Variants in LINGO2 observed in about 807,000 individuals in gnomAD.
The protein encoded by LINGO2 is leucine rich repeat and Ig domain containing 2.
In LINGO2, 14 loss-of-function variants were observed where a neutral mutation model predicts 30.6. The ratio of observed to expected loss-of-function variants is 0.46; its 90% CI spans 0.30 to 0.72. LINGO2 has a LOEUF of 0.72. Ranked by LOEUF, LINGO2 falls within the 30% of genes least tolerant of loss-of-function variation. LINGO2 has a pLI of 0.07. For missense variants in LINGO2, 729 were observed against 751.7 expected, an observed-to-expected ratio of 0.97 and a Z score of 0.35; for synonymous variants, 317 against 288.5, an observed-to-expected ratio of 1.10 and a Z score of -1.00.
At chr9:28,892,036 G>A in the LINGO2 span, among the ~76,000 whole-genome samples, 1 of 151,758 alleles carries the variant, frequency 6.6e-6, no homozygotes, top group Non-Finnish European at 1.5e-5. Context: ...TAAACTGTTG[G>A]AAATAACAAA....
chr9:28,773,269 G>T, the LINGO2 span, among the ~76,000 whole-genome samples: 1 of 151,508 alleles, frequency 6.6e-6, no homozygotes, highest in East Asian at 2.0e-4. Context: ...GGAGGCTGAG[G>T]CAGGAGAATG....
At chr9:28,135,391 T>G (rs900025422) in intron 4 of LINGO2, among the ~76,000 whole-genome samples, 1 of 151,666 alleles carries the variant, frequency 6.6e-6, no homozygotes, top group African/African-American at 2.4e-5. Flanking sequence ...AAAGGAATAC[T>G]TGGGAGAACA....
intron 4 of LINGO2, among the ~76,000 whole-genome samples, chr9:28,126,184 C>T (rs1334435895): frequency 6.6e-6 from 1 of 152,150 alleles, no homozygotes; most frequent in African/African-American, 2.4e-5. Context: ...GCTGTATTTT[C>T]ATGACGTGGC....
At chr9:28,548,605 G>T (rs1383240215) in intron 1 of LINGO2, among the ~76,000 whole-genome samples, 1 of 149,552 alleles carries the variant, frequency 6.7e-6, no homozygotes, top group Non-Finnish European at 1.5e-5. Flanking sequence ...TCGGGAGGCT[G>T]AGGCAGGAAA....
At chr9:28,386,104 C>T (rs1214016306) in intron 2 of LINGO2, among the ~76,000 whole-genome samples, 2 of 152,154 alleles carry the variant, frequency 1.3e-5, no homozygotes, top group African/African-American at 2.4e-5. Flanking sequence ...ACTTATATCC[C>T]TCTGCCTGCC....
chr9:28,240,108 A>G (rs958349845), intron 4 of LINGO2, among the ~76,000 whole-genome samples: 2 of 152,190 alleles, frequency 1.3e-5, no homozygotes, highest in Non-Finnish European at 2.9e-5. Context: ...ACTATAAAAC[A>G]TTGATGAAAG....
the LINGO2 span, among the ~76,000 whole-genome samples, chr9:28,943,023 A>T: frequency 6.6e-6 from 1 of 152,212 alleles, no homozygotes; most frequent in Non-Finnish European, 1.5e-5. Context: ...AGACAGAATG[A>T]TAAAATATGG....
intron 5 of LINGO2, among the ~76,000 whole-genome samples, chr9:27,978,526 T>C (rs2891309): frequency 0.35 from 52,489 of 151,858 alleles, 9,215 homozygotes; most frequent in South Asian, 0.37. Flanking sequence ...CTTTCCACCA[T>C]GTGAGGACAC....
At chr9:28,032,737 G>C (rs1823744068) in intron 4 of LINGO2, among the ~76,000 whole-genome samples, 1 of 152,184 alleles carries the variant, frequency 6.6e-6, no homozygotes, top group Admixed American at 6.5e-5. Context: ...CAGTGACATA[G>C]ATCCTGCCAG....
intron 4 of LINGO2, among the ~76,000 whole-genome samples, chr9:28,187,124 C>G (rs1018158616): frequency 2.0e-5 from 3 of 151,998 alleles, no homozygotes; most frequent in African/African-American, 7.3e-5. Flanking sequence ...AATAGACATA[C>G]TAAAGGAAGT....
intron 4 of LINGO2, among the ~76,000 whole-genome samples, chr9:28,198,046 T>C (rs1820076839): frequency 1.3e-5 from 2 of 151,706 alleles, no homozygotes; most frequent in Admixed American, 6.6e-5. Context: ...ACTCTATTGG[T>C]GGCAATTGAG....
intron 4 of LINGO2, among the ~76,000 whole-genome samples, chr9:28,264,649 G>A (rs528006230): frequency 3.9e-4 from 59 of 151,918 alleles, no homozygotes; most frequent in African/African-American, 1.2e-3. Context: ...TTTGGGAATG[G>A]GACACACTGG....
At chr9:28,079,482 T>A (rs879358084) in intron 4 of LINGO2, among the ~76,000 whole-genome samples, 2 of 152,214 alleles carry the variant, frequency 1.3e-5, no homozygotes, top group Non-Finnish European at 2.9e-5. Flanking sequence ...TTTATAAAAC[T>A]ACTTTATCGT....
At chr9:28,807,709 A>T in the LINGO2 span, among the ~76,000 whole-genome samples, 1 of 152,246 alleles carries the variant, frequency 6.6e-6, no homozygotes, top group Non-Finnish European at 1.5e-5. Flanking sequence ...CAGTTTAGAA[A>T]TAGTAAGAGA....
intron 1 of LINGO2, among the ~76,000 whole-genome samples, chr9:28,635,866 C>A (rs890913943): frequency 2.0e-4 from 31 of 152,014 alleles, no homozygotes; most frequent in Non-Finnish European, 7.4e-5. Context: ...GGTACATGTG[C>A]ACAACGTACA....
At chr9:27,958,848 G>T (rs1275736353) in intron 5 of LINGO2, among the ~76,000 whole-genome samples, 1 of 152,038 alleles carries the variant, frequency 6.6e-6, no homozygotes, top group African/African-American at 2.4e-5. Flanking sequence ...TTCCTAAGAA[G>T]TTTGTATAGA....
the LINGO2 span, among the ~76,000 whole-genome samples, chr9:28,685,595 T>C: frequency 6.6e-6 from 1 of 152,192 alleles, no homozygotes; most frequent in Admixed American, 6.5e-5. Flanking sequence ...TCTCTCATAA[T>C]TGATCTTCAC....
At chr9:27,947,513 AT>A (rs1294831253), downstream of LINGO2, among the ~76,000 whole-genome samples, 1 of 152,226 alleles carries the variant, frequency 6.6e-6, no homozygotes, top group Non-Finnish European at 1.5e-5. Context: ...AACAAGACAA[AT>A]TCCTCTTTAT....
At chr9:28,837,682 T>TATATATATATATA in the LINGO2 span, among the ~76,000 whole-genome samples, 6 of 46,778 alleles carry the variant, frequency 1.3e-4, no homozygotes, top group Admixed American at 5.1e-4. Context: ...ATATATATAT[T>TATATATATATATA]TAGGATAACA....
Sources: allele counts gnomAD v4.1 joint callset (sites outside exome capture counted in the v4.1 genomes callset), GRCh38; gene constraint gnomAD v4.1.1; transcripts MANE v1.5; gene names NCBI Gene and HGNC (gene_info 2026-07-23, HGNC 2026-07-21).